Variants in ELAC2 observed in about 807,000 individuals in gnomAD.
ELAC2 encodes elaC ribonuclease Z 2.
Under a neutral mutation model 105.2 loss-of-function variants are expected in ELAC2, and 92 were observed. That is an observed-to-expected ratio of 0.87 (90% confidence interval 0.74 to 1.04). ELAC2 has a LOEUF of 1.04. ELAC2 is among the 50% of genes least tolerant of loss of function. The probability of loss-of-function intolerance (pLI) is 0.00; values close to 1 mark genes in which losing one functional copy is unlikely to be tolerated. For missense variants in ELAC2, 1,099 were observed against 1,071.7 expected (o/e 1.03, Z -0.36); for synonymous variants, 468 against 409.1 (o/e 1.14, Z -1.74).
chr17:12,994,316 T>A (rs964452238), intron 22 of ELAC2, 109 bp downstream of exon 22: 2 of 1,272,730 alleles, frequency 1.6e-6, no homozygotes, highest in Non-Finnish European at 2.3e-6. Context: ...TAGCCCTTGA[T>A]AGGAAGCAGG....
chr17:13,006,609 A>G (rs1483786326), intron 8 of ELAC2: 1 of 157,788 alleles, frequency 6.3e-6, no homozygotes, highest in Non-Finnish European at 1.4e-5. Context: ...TTGAGGAGAA[A>G]CACTGTTCTG....
At chr17:13,013,478 C>G (rs545301726) in intron 5 of ELAC2, among the ~76,000 whole-genome samples, 1 of 152,148 alleles carries the variant, frequency 6.6e-6, no homozygotes, top group Non-Finnish European at 1.5e-5. Flanking sequence ...ATATTTACTA[C>G]AGCCAGATGA....
At chr17:13,001,332 AT>A (rs776860248) in intron 14 of ELAC2, among the ~76,000 whole-genome samples, 27 of 152,078 alleles carry the variant, frequency 1.8e-4, no homozygotes, top group Non-Finnish European at 3.4e-4. Flanking sequence ...CTCTGCTAAA[AT>A]TACAAAAAAT....
At position 12,992,163 on chromosome 17, in the gene ELAC2, C is replaced by T. The variant is rs929547325; in HGVS notation, c.*655G>A. Among the ~76,000 whole-genome samples the T allele has an allele frequency of 3.3e-5, 5 of 152,108 alleles. No individual in the cohort carries two copies. Among genetic ancestry groups the T allele is most frequent in the African/African-American group, 4.8e-5 (2 of 41,414 alleles). ...GATTGATTGATTGATAGAGAAAGCACGCCCTGCTGTGAGCTGGCACAGCTC... is the reference window on the plus strand; with the variant it reads ...GATTGATTGATTGATAGAGAAAGCATGCCCTGCTGTGAGCTGGCACAGCTC... On this transcript the variant is annotated 3_prime_UTR_variant, in exon 24 of 24. Transcript: ENST00000338034.
At chr17:13,014,846 T>G (rs1451800870) in intron 4 of ELAC2, among the ~76,000 whole-genome samples, 1 of 152,094 alleles carries the variant, frequency 6.6e-6, no homozygotes, top group Non-Finnish European at 1.5e-5. Context: ...AGTTCTGGAG[T>G]AAATGACCCT....
intron 8 of ELAC2, chr17:13,006,202 C>T (rs931019148): frequency 1.5e-5 from 8 of 531,072 alleles, no homozygotes; most frequent in Non-Finnish European, 2.4e-5. Context: ...GAAACCCCGT[C>T]TCTACTAAAA....
At chr17:12,999,832 T>C (rs2040679061) in intron 15 of ELAC2, among the ~76,000 whole-genome samples, 1 of 152,190 alleles carries the variant, frequency 6.6e-6, no homozygotes. Context: ...CTAATTTTTG[T>C]ATTTTTAGTA....
intron 7 of ELAC2, 25 bp downstream of exon 7, chr17:13,011,638 T>G (rs1183373224): frequency 1.2e-6 from 2 of 1,614,186 alleles, no homozygotes; most frequent in South Asian, 2.2e-5. Flanking sequence ...GCCTTTCTGC[T>G]GCTCTGTTTT....
In ELAC2 at chr17:12,998,412, C is replaced by G; in HGVS notation, c.1520G>C (p.Ser507Thr). 1 of 1,613,946 alleles carries G rather than the reference C, an allele frequency of 6.2e-7. No individual in the cohort carries two copies. The highest frequency in any genetic ancestry group is 8.5e-7 in the Non-Finnish European group (1 of 1,179,838). Residue 507 changes from serine to threonine, a missense_variant and splice_region_variant, in exon 16 of 24, where the codon AGC (serine) becomes ACC (threonine). By Grantham distance (58) the Ser-to-Thr change is moderately conservative. Coordinates refer to ENST00000338034, the MANE Select transcript of ELAC2 (RefSeq NM_018127.7). ...GATGCTTCCTGGGAAAGCAGCATAC[C>G]TTATGTTGACAAGTGTGGCACTGAC... The part of the protein sequence containing the change: ...RNVSATLVNI[S>T]PDTSLLLDCG...
chr17:13,002,655 G>A lies in ELAC2; in HGVS notation c.1080-76C>T, dbSNP rs1175079589. 6 of 1,549,450 alleles carry A rather than the reference G, an allele frequency of 3.9e-6. No individual in the cohort carries two copies. The African/African-American group carries it at 5.5e-5, about 14-fold the overall frequency. On this transcript the variant is annotated intron_variant, in intron 12 of 23. Transcript: ENST00000338034. ...CCCTGAGGAGTGGTGCTGAGCTCAG[G>A]AGTGGTAATGAGGATGAGGTGTTCA... is the stretch of plus-strand genomic sequence containing the variant.
In ELAC2 at chr17:12,996,028, C is replaced by T. The variant is rs557422538; in HGVS notation, c.1660-50G>A. ...GTCAGCCAGGCCCCAGGGCCATCCC[C>T]TCCGGGTTAGGGTCTGCAGCCCTCT... is the stretch of plus-strand genomic sequence containing the variant. On this transcript the variant is annotated intron_variant, in intron 17 of 23. Coordinates refer to ENST00000338034, the MANE Select transcript of ELAC2 (RefSeq NM_018127.7). 8.5e-5 allele frequency: 133 copies of T among 1,559,520 alleles called. 1 individual carries two copies. The Middle Eastern group carries it at 1.7e-3, about 20-fold the overall frequency.
chr17:13,008,476 C>T (rs963984349), intron 8 of ELAC2, among the ~76,000 whole-genome samples: 9 of 151,972 alleles, frequency 5.9e-5, no homozygotes, highest in Non-Finnish European at 1.3e-4. Context: ...CGCACCACTG[C>T]ACTCCAGCCT....
In ELAC2 at chr17:12,994,991, G is replaced by A. The variant is rs78105154; in HGVS notation, c.1880C>T (p.Ser627Leu). Reference protein sequence around the residue: ...SSPAVERLISSLLRTCDLEEF... With the variant: ...SSPAVERLISLLLRTCDLEEF... Reference sequence around the variant, plus strand: ...TTCCAAATCACATGTTCGCAACAGCGAACTGATCAATCTTTCCACTGCAGG... The same window carrying A: ...TTCCAAATCACATGTTCGCAACAGCAAACTGATCAATCTTTCCACTGCAGG... Residue 627 changes from serine (S) to leucine (L), a missense_variant, in exon 20 of 24, where the codon TCG becomes TTG. Transcript: ENST00000338034. 3.5e-4 allele frequency: 572 copies of A among 1,614,170 alleles called. 5 individuals are homozygous for A. In the East Asian group the frequency reaches 0.011, roughly 32 times the overall value.
At chr17:13,014,906 G>C (rs141365161) in intron 4 of ELAC2, among the ~76,000 whole-genome samples, 6 of 152,220 alleles carry the variant, frequency 3.9e-5, no homozygotes, top group African/African-American at 9.6e-5. Context: ...AATTAGAAGA[G>C]GCAGAGGGAA....
In ELAC2 at chr17:13,000,107, C is replaced by G. The variant is rs369821953; in HGVS notation, c.1423+49G>C. Reference sequence around the variant, plus strand: ...CCACTTAATGCTAGGAAAACAGCAGCAGGGGCAGAGCCCAGGAAAGAAAGG... The same window carrying G: ...CCACTTAATGCTAGGAAAACAGCAGGAGGGGCAGAGCCCAGGAAAGAAAGG... On this transcript the variant is annotated intron_variant, in intron 15 of 23. Coordinates refer to ENST00000338034, the MANE Select transcript of ELAC2 (RefSeq NM_018127.7). 15 of 1,561,370 alleles carry G rather than the reference C, an allele frequency of 9.6e-6. No individual in the cohort carries two copies. In the African/African-American group the frequency reaches 1.5e-4, roughly 16 times the overall value.
Position 13,017,170 on chromosome 17 carries a change from ACT to A in ELAC2, c.246-51_246-50del, listed in dbSNP as rs778554734. On this transcript the variant is annotated intron_variant, in intron 1 of 23. Transcript: ENST00000338034. ...ACATTCAGAAGGTTTTATTCTGTAA[ACT>A]CTCTGACACCAATTAGATGTTTTAT... is the stretch of plus-strand genomic sequence containing the variant. The A allele has an allele frequency of 3.0e-5, 44 of 1,472,744 alleles. No individual in the cohort carries two copies. The African/African-American group carries it at 3.3e-4, about 11-fold the overall frequency. 91.2% of individuals were successfully genotyped at this position (1,472,744 alleles called of 1,614,324 possible). A position where few individuals can be genotyped will look rare whatever the true frequency, so the allele number is the denominator to read the frequency against.
intron 3 of ELAC2, 79 bp downstream of exon 3, chr17:13,016,781 CCA>C (rs1355073843): frequency 1.1e-5 from 16 of 1,470,498 alleles, no homozygotes; most frequent in Non-Finnish European, 1.5e-5. Context: ...GCTGCCCACC[CCA>C]GACTTGGAAA....
chr17:13,006,579 T>C (rs2041120801), intron 8 of ELAC2: 1 of 159,586 alleles, frequency 6.3e-6, no homozygotes, highest in Non-Finnish European at 1.4e-5. Context: ...TGAAAGTTAA[T>C]AAATATCCTT....
At chr17:13,015,600 G>C (rs1334440511) in intron 4 of ELAC2, among the ~76,000 whole-genome samples, 168 bp downstream of exon 4, 1 of 152,174 alleles carries the variant, frequency 6.6e-6, no homozygotes, top group Non-Finnish European at 1.5e-5. Flanking sequence ...ACTTGATCAA[G>C]GTCACATAGT....
Sources: allele counts gnomAD v4.1 joint callset (sites outside exome capture counted in the v4.1 genomes callset), GRCh38; gene constraint gnomAD v4.1.1; transcripts MANE v1.5; gene names NCBI Gene and HGNC (gene_info 2026-07-23, HGNC 2026-07-21).